The following SOX5 variants were observed in gnomAD, a reference collection of about 807,000 sequenced individuals.
SOX5 encodes the protein SRY-box transcription factor 5.
In SOX5, 9 loss-of-function variants were observed where a neutral mutation model predicts 92.0. The observed-to-expected ratio is 0.10, with a 90% CI of 0.06 to 0.17. The LOEUF is 0.17. SOX5 is among the 10% of genes least tolerant of loss of function. The pLI is 1.00. For missense variants in SOX5, 642 were observed against 944.5 expected (o/e 0.68, Z 4.20); for synonymous variants, 344 against 336.3 (o/e 1.02, Z -0.25).
intron 4 of SOX5, among the ~76,000 whole-genome samples, chr12:24,083,555 G>A (rs905343975): frequency 2.0e-5 from 3 of 151,954 alleles, no homozygotes; most frequent in Non-Finnish European, 2.9e-5. Flanking sequence ...TAGGTATAAC[G>A]TTTTTTTCTC....
intron 7 of SOX5, among the ~76,000 whole-genome samples, chr12:23,659,276 CT>C (rs1170311069): frequency 6.6e-6 from 1 of 152,118 alleles, no homozygotes; most frequent in Non-Finnish European, 1.5e-5. Context: ...GCAAATACGC[CT>C]GAGGAAGTTT....
intron 4 of SOX5, among the ~76,000 whole-genome samples, chr12:24,108,498 A>T (rs1946945175): frequency 6.6e-6 from 1 of 152,104 alleles, no homozygotes; most frequent in South Asian, 2.1e-4. Flanking sequence ...TACATTGTTG[A>T]CTTCTGTCAA....
At chr12:23,602,111 G>C (rs1184059559) in intron 9 of SOX5, among the ~76,000 whole-genome samples, 1 of 152,052 alleles carries the variant, frequency 6.6e-6, no homozygotes, top group Non-Finnish European at 1.5e-5. Context: ...AAAAGTCATT[G>C]AATTTCAAAG....
intron 4 of SOX5, among the ~76,000 whole-genome samples, chr12:23,976,923 GA>G (rs1948989398): frequency 6.6e-6 from 1 of 152,030 alleles, no homozygotes; most frequent in African/African-American, 2.4e-5. Flanking sequence ...ATACAGGAAG[GA>G]AAGAAGGGAA....
chr12:24,105,765 C>T (rs1407844588), intron 4 of SOX5, among the ~76,000 whole-genome samples: 3 of 152,050 alleles, frequency 2.0e-5, no homozygotes, highest in Non-Finnish European at 2.9e-5. Context: ...TTTATGTTAC[C>T]ATAGTCAGAG....
At chr12:24,535,849 G>A (rs1347553657) in intron 1 of SOX5, among the ~76,000 whole-genome samples, 1 of 152,082 alleles carries the variant, frequency 6.6e-6, no homozygotes, top group Non-Finnish European at 1.5e-5. Context: ...TACCACGGCT[G>A]GTCCCAGCTC....
intron 2 of SOX5, among the ~76,000 whole-genome samples, chr12:24,312,639 C>T (rs1413383105): frequency 6.6e-6 from 1 of 152,162 alleles, no homozygotes; most frequent in African/African-American, 2.4e-5. Context: ...CTACAATTAG[C>T]AGGTCATAAA....
At chr12:23,976,152 C>T (rs908412677) in intron 4 of SOX5, among the ~76,000 whole-genome samples, 6 of 151,232 alleles carry the variant, frequency 4.0e-5, no homozygotes, top group African/African-American at 1.5e-4. Context: ...TTAATAAAAT[C>T]CTTAGATAGT....
At chr12:24,090,552 G>A (rs1380672537) in intron 4 of SOX5, among the ~76,000 whole-genome samples, 1 of 152,034 alleles carries the variant, frequency 6.6e-6, no homozygotes, top group African/African-American at 2.4e-5. Flanking sequence ...ACAGTCAAAG[G>A]AGCCTTCTCA....
chr12:23,964,949 G>A (rs192580641), intron 4 of SOX5, among the ~76,000 whole-genome samples: 1 of 152,324 alleles, frequency 6.6e-6, no homozygotes, highest in East Asian at 1.9e-4. Context: ...GAACCAGCCA[G>A]TAGGGGAGCA....
chr12:23,904,235 C>A (rs2097266945), intron 1 of SOX5, among the ~76,000 whole-genome samples: 1 of 151,926 alleles, frequency 6.6e-6, no homozygotes, highest in South Asian at 2.1e-4. Context: ...ACTTTTATAC[C>A]ATTTTTCTTC....
At chr12:24,385,120 T>C (rs1337259660) in intron 1 of SOX5, among the ~76,000 whole-genome samples, 1 of 152,238 alleles carries the variant, frequency 6.6e-6, no homozygotes. Flanking sequence ...TAATCTCTTA[T>C]TGTGCCTAAT....
intron 1 of SOX5, among the ~76,000 whole-genome samples, chr12:24,501,795 C>G (rs1210197835): frequency 2.6e-5 from 4 of 152,146 alleles, no homozygotes; most frequent in Non-Finnish European, 5.9e-5. Flanking sequence ...GCACTGCACT[C>G]CAGCCTGAGT....
intron 3 of SOX5, among the ~76,000 whole-genome samples, chr12:23,785,092 T>C (rs1016152428): frequency 1.3e-5 from 2 of 152,136 alleles, no homozygotes; most frequent in African/African-American, 4.8e-5. Flanking sequence ...AAAAATTAAA[T>C]TTAAAAATCA....
intron 4 of SOX5, among the ~76,000 whole-genome samples, chr12:24,212,710 A>T (rs1484476659): frequency 6.6e-6 from 1 of 152,228 alleles, no homozygotes; most frequent in Non-Finnish European, 1.5e-5. Flanking sequence ...ACGTGACTAA[A>T]ACTAACCTTG....
At chr12:23,873,053 G>A (rs1357567878) in intron 2 of SOX5, among the ~76,000 whole-genome samples, 1 of 152,190 alleles carries the variant, frequency 6.6e-6, no homozygotes, top group African/African-American at 2.4e-5. Flanking sequence ...TTCCTTATAT[G>A]AGACAGCCTT....
intron 3 of SOX5, among the ~76,000 whole-genome samples, chr12:23,769,989 C>G (rs1266538758): frequency 6.6e-6 from 1 of 151,410 alleles, no homozygotes; most frequent in Non-Finnish European, 1.5e-5. Flanking sequence ...CCATTAAAGG[C>G]CTCTGTTGGA....
At chr12:23,872,150 A>G (rs1021985448) in intron 2 of SOX5, among the ~76,000 whole-genome samples, 5 of 108,292 alleles carry the variant, frequency 4.6e-5, no homozygotes, top group African/African-American at 6.8e-5. Context: ...GGCGCCCGCC[A>G]CCACGCCCGG....
chr12:23,628,336 G>A (rs1452738408), intron 8 of SOX5, among the ~76,000 whole-genome samples: 1 of 151,988 alleles, frequency 6.6e-6, no homozygotes, highest in African/African-American at 2.4e-5. Flanking sequence ...ATTTCGGATG[G>A]AATTGTCTCT....
Sources: gnomAD v4.1 joint callset for allele counts (sites outside exome capture counted in the v4.1 genomes callset) on GRCh38, gnomAD v4.1.1 for gene constraint, MANE v1.5 for transcripts, NCBI Gene and HGNC (gene_info 2026-07-23, HGNC 2026-07-21) for gene names.